Variants in DCTN2 observed in about 807,000 individuals in gnomAD.
DCTN2 encodes dynactin subunit 2, also known as 50 kDa dynein-associated polypeptide.
DCTN2 carries 18 observed loss-of-function variants against 55.4 expected under a neutral mutation model. The ratio of observed to expected loss-of-function variants is 0.32; its 90% CI spans 0.22 to 0.48. The LOEUF is 0.48. DCTN2 is among the 20% of genes least tolerant of loss of function. The pLI is 0.99. For synonymous variants in DCTN2, 168 were observed against 185.2 expected (o/e 0.91, Z 0.76); for missense variants, 390 against 491.0 (o/e 0.79, Z 1.94).
intron 7 of DCTN2, 123 bp from the exon 8 acceptor site, chr12:57,533,426 A>T (rs1879923567): frequency 2.3e-6 from 2 of 863,816 alleles, no homozygotes; most frequent in Non-Finnish European, 3.9e-6. Flanking sequence ...CCTGGAATAC[A>T]TACCTAGCCA....
chr12:57,534,570 G>T, intron 5 of DCTN2, 118 bp from the exon 6 acceptor site: 1 of 1,034,208 alleles, frequency 9.7e-7, no homozygotes, highest in Non-Finnish European at 1.4e-6. Flanking sequence ...TTTTCAGCAT[G>T]ACAGACTGCC....
chr12:57,545,331 C>G (rs1007327195), intron 2 of DCTN2, among the ~76,000 whole-genome samples: 28 of 152,112 alleles, frequency 1.8e-4, no homozygotes, highest in African/African-American at 6.5e-4. Context: ...TATATGTATC[C>G]TAATTCCCCA....
chr12:57,536,501 A>T (rs1880244090), intron 2 of DCTN2, among the ~76,000 whole-genome samples: 1 of 152,166 alleles, frequency 6.6e-6, no homozygotes, highest in South Asian at 2.1e-4. Flanking sequence ...GAAGCAACAA[A>T]CATAGGCAAT....
rs1196416688 is a variant in DCTN2, at chr12:57,533,957, G to A, written c.665C>T (p.Ala222Val). ...RPEQDKFSQAAKVAELEKRLT... is the reference protein window; with the variant it reads ...RPEQDKFSQAVKVAELEKRLT... ...CAACACTGTATCCACACTTACTTTG[G>A]CAGCTTGAGAGAACTTGTCCTGCTC... The change falls in exon 7 of 14, where the codon GCC becomes GTC. Residue 222 changes from alanine (A) to valine (V), a missense_variant. Physicochemically the swap from Ala to Val is moderately conservative, Grantham distance 64 (BLOSUM62 0). Coordinates refer to ENST00000548249, the MANE Select transcript of DCTN2 (RefSeq NM_001261413.2). 4 of 1,607,436 alleles carry A rather than the reference G, an allele frequency of 2.5e-6. No homozygotes were observed. Among genetic ancestry groups the A allele is most frequent in the African/African-American group, 2.7e-5 (2 of 74,732 alleles).
At chr12:57,532,394 T>G (rs1203827326) in intron 11 of DCTN2, 79 bp from the exon 12 acceptor site, 2 of 1,389,456 alleles carry the variant, frequency 1.4e-6, no homozygotes, top group African/African-American at 2.9e-5. Flanking sequence ...TTCACCGTAA[T>G]GGGGGAAAGG....
At chr12:57,544,395 G>T (rs1421683197) in intron 2 of DCTN2, among the ~76,000 whole-genome samples, 1 of 145,600 alleles carries the variant, frequency 6.9e-6, no homozygotes, top group African/African-American at 2.5e-5. Flanking sequence ...TTTAAATTTT[G>T]TTTTTTTTTT....
Position 57,535,131 on chromosome 12 carries a change from C to G in DCTN2, c.288G>C (p.Lys96Asn). 1 of 1,613,738 alleles carries G rather than the reference C, an allele frequency of 6.2e-7. No individual in the cohort carries two copies. The highest frequency in any genetic ancestry group is 8.5e-7 in the Non-Finnish European group (1 of 1,179,814). The change falls in exon 5 of 14, where the codon AAG becomes AAC. Residue 96 changes from lysine (K) to asparagine (N), a missense_variant. By Grantham distance (94) the Lys-to-Asn change is moderately conservative. This residue lies in a region of DCTN2 where 117 missense variants were observed against 187.8 expected (regional missense o/e 0.62). Coordinates refer to ENST00000548249, the MANE Select transcript of DCTN2 (RefSeq NM_001261413.2). ...YEMLGEGLGVKETPQQKYQRL... is the reference protein window; with the variant it reads ...YEMLGEGLGVNETPQQKYQRL... ...GCTGGTACTTTTGCTGGGGTGTCTCCTTCACTCCCAGACCCTCTCCAAGCT... is the reference window on the plus strand; with the variant it reads ...GCTGGTACTTTTGCTGGGGTGTCTCGTTCACTCCCAGACCCTCTCCAAGCT...
chr12:57,538,470 C>A (rs565372920), intron 2 of DCTN2: 2 of 756,848 alleles, frequency 2.6e-6, no homozygotes, highest in South Asian at 2.8e-5. Flanking sequence ...AACAACTGCT[C>A]ATCATAGCAC....
intron 3 of DCTN2, 93 bp from the exon 4 acceptor site, chr12:57,535,638 C>T (rs1880169038): frequency 6.5e-7 from 1 of 1,529,564 alleles, no homozygotes; most frequent in Admixed American, 1.7e-5. Flanking sequence ...AAAATATCTC[C>T]ATGAGGGACC....
chr12:57,541,418 T>C (rs1352545871), intron 2 of DCTN2: 3 of 1,596,590 alleles, frequency 1.9e-6, no homozygotes, highest in Non-Finnish European at 2.5e-6. Context: ...GGGGAAGCAT[T>C]AGGAAAAACT....
chr12:57,544,906 T>C (rs903667170), intron 2 of DCTN2, among the ~76,000 whole-genome samples: 4 of 152,066 alleles, frequency 2.6e-5, no homozygotes, highest in Admixed American at 6.6e-5. Context: ...GCTTAGGGGA[T>C]AGATTGGCAT....
At chr12:57,532,846 G>C (rs1565676851) in intron 9 of DCTN2, 36 bp from the exon 10 acceptor site, 3 of 1,612,676 alleles carry the variant, frequency 1.9e-6, no homozygotes, top group Non-Finnish European at 2.5e-6. Context: ...TCATGAAGAG[G>C]AAAGGCAGAC....
At chr12:57,544,985 T>G (rs535168432) in intron 2 of DCTN2, among the ~76,000 whole-genome samples, 1 of 152,156 alleles carries the variant, frequency 6.6e-6, no homozygotes, top group African/African-American at 2.4e-5. Context: ...TTTCCCACAA[T>G]GTAAGAACCA....
chr12:57,535,289 T>C, intron 4 of DCTN2, 135 bp from the exon 5 acceptor site: 1 of 972,674 alleles, frequency 1.0e-6, no homozygotes, highest in Non-Finnish European at 1.5e-6. Context: ...ACCAAAGAAC[T>C]GAGGACAGCT....
At chr12:57,532,345 A>G (rs1034625516) in intron 11 of DCTN2, 30 bp from the exon 12 acceptor site, 4 of 1,541,444 alleles carry the variant, frequency 2.6e-6, no homozygotes, top group Admixed American at 2.0e-5. Flanking sequence ...CCCAGAGGGG[A>G]TGGCTGAGGC....
chr12:57,533,033 AGGAAG>A lies in DCTN2; in HGVS notation c.736-16_736-12del. 1 of 1,595,292 alleles carries A rather than the reference AGGAAG, an allele frequency of 6.3e-7. No individual in the cohort carries two copies. The highest frequency in any genetic ancestry group is 8.5e-7 in the Non-Finnish European group (1 of 1,172,100). ...TGCAGAAAGGGGATTCTGGTGGGAAAGGAAGGGAAGAAGTGAGTGGTCCTTATATC... is the reference window on the plus strand; with the variant it reads ...TGCAGAAAGGGGATTCTGGTGGGAAAGGAAGAAGTGAGTGGTCCTTATATC... On this transcript the variant is annotated splice_polypyrimidine_tract_variant and intron_variant, in intron 8 of 13. Coordinates refer to ENST00000548249, the MANE Select transcript of DCTN2 (RefSeq NM_001261413.2).
chr12:57,532,154 G>C (rs760391434), intron 12 of DCTN2, 48 bp from the exon 13 acceptor site: 38 of 1,552,208 alleles, frequency 2.4e-5, no homozygotes, highest in Admixed American at 1.4e-4. Context: ...ATAAGGGAGG[G>C]GACCAAAAGT....
At chr12:57,544,130 C>T in intron 2 of DCTN2, 2 of 453,712 alleles carry the variant, frequency 4.4e-6, no homozygotes, top group Admixed American at 2.4e-5. Context: ...GAAGCCTAGG[C>T]CTAAGTTGAA....
chr12:57,544,667 A>G (rs1880998896), intron 2 of DCTN2, among the ~76,000 whole-genome samples: 2 of 152,162 alleles, frequency 1.3e-5, no homozygotes, highest in African/African-American at 4.8e-5. Flanking sequence ...TGCTGGGATT[A>G]CAGGCATGAA....
Sources: allele counts gnomAD v4.1 joint callset (sites outside exome capture counted in the v4.1 genomes callset), GRCh38; gene constraint gnomAD v4.1.1; regional missense constraint gnomAD v4.1.1; transcripts MANE v1.5; gene names NCBI Gene and HGNC (gene_info 2026-07-23, HGNC 2026-07-21).